The following GRAMD1B variants were observed in gnomAD, a reference collection of about 807,000 sequenced individuals.
GRAMD1B encodes the protein protein Aster-B.
In GRAMD1B, 37 loss-of-function variants were observed where a neutral mutation model predicts 99.7. The ratio of observed to expected loss-of-function variants is 0.37; its 90% CI spans 0.29 to 0.49. The LOEUF (loss-of-function observed/expected upper bound fraction) is 0.49, where lower values mean the gene tolerates loss of function less well. GRAMD1B is among the 20% of genes least tolerant of loss of function. GRAMD1B has a pLI of 0.98. For synonymous variants in GRAMD1B, 427 were observed against 387.6 expected (o/e 1.10, Z -1.19); for missense variants, 888 against 1,009.2 (o/e 0.88, Z 1.63).
chr11:123,443,004 C>T (rs144683733), intron 1 of GRAMD1B, among the ~76,000 whole-genome samples: 106 of 152,110 alleles, frequency 7.0e-4, no homozygotes, highest in African/African-American at 2.3e-3. Flanking sequence ...GGGTTTTAGC[C>T]GGCTTTTTTA....
At chr11:123,485,350 C>A (rs768192130) in intron 2 of GRAMD1B, among the ~76,000 whole-genome samples, 18 of 152,216 alleles carry the variant, frequency 1.2e-4, no homozygotes, top group African/African-American at 4.3e-4. Flanking sequence ...AGGTTCAGAA[C>A]GGTTATAGTA....
At chr11:123,612,621 T>C (rs1953741797) in intron 14 of GRAMD1B, 140 bp from the exon 15 acceptor site, 2 of 690,804 alleles carry the variant, frequency 2.9e-6, no homozygotes, top group African/African-American at 3.5e-5. Context: ...GAGGGTGAGA[T>C]GGATGTGGAA....
chr11:123,481,928 A>G (rs917677064), intron 2 of GRAMD1B, among the ~76,000 whole-genome samples: 1 of 152,164 alleles, frequency 6.6e-6, no homozygotes, highest in African/African-American at 2.4e-5. Context: ...AAAAAGCAGA[A>G]GGTACTTTTA....
At chr11:123,452,449 C>T (rs967755904) in intron 1 of GRAMD1B, among the ~76,000 whole-genome samples, 3 of 152,070 alleles carry the variant, frequency 2.0e-5, no homozygotes, top group Admixed American at 6.5e-5. Flanking sequence ...AGTTCGAGAC[C>T]AGCCTGGCCA....
At chr11:123,546,827 G>C (rs1179887410) in intron 2 of GRAMD1B, among the ~76,000 whole-genome samples, 1 of 152,038 alleles carries the variant, frequency 6.6e-6, no homozygotes, top group African/African-American at 2.4e-5. Flanking sequence ...AGCTTTCCTA[G>C]CATCCACTCC....
intron 2 of GRAMD1B, among the ~76,000 whole-genome samples, chr11:123,562,079 C>T (rs932402736): frequency 6.6e-6 from 1 of 152,292 alleles, no homozygotes; most frequent in East Asian, 1.9e-4. Context: ...GCTGGGTGTG[C>T]TGGCTCATGC....
intron 1 of GRAMD1B, among the ~76,000 whole-genome samples, chr11:123,436,987 A>C (rs967962677): frequency 2.0e-5 from 3 of 152,052 alleles, no homozygotes; most frequent in Non-Finnish European, 4.4e-5. Context: ...CCCACCTATG[A>C]GTGAGAACAT....
At position 123,546,584 on chromosome 11, in the gene GRAMD1B, G is replaced by GT. The variant is rs547926258; in HGVS notation, c.453-30781dup. Among the ~76,000 whole-genome samples the GT allele has an allele frequency of 4.9e-4, 74 of 152,318 alleles. 1 individual carries two copies. The highest frequency in any genetic ancestry group is 9.8e-4 in the Admixed American group (15 of 15,310). ...AGCTGCCCAGCTTCAATCTGCCCCT[G>GT]TTCCCCAGTGAGGTCTGGGAGTAAT... On this transcript the variant is annotated intron_variant, in intron 2 of 19. Coordinates refer to ENST00000635736, the MANE Select transcript of GRAMD1B (RefSeq NM_001387025.1).
At chr11:123,573,455 C>T in intron 2 of GRAMD1B, among the ~76,000 whole-genome samples, 1 of 152,188 alleles carries the variant, frequency 6.6e-6, no homozygotes, top group Non-Finnish European at 1.5e-5. Context: ...CACCCAGCTA[C>T]CCACTGTCTT....
At chr11:123,578,498 C>A (rs1948981687) in intron 3 of GRAMD1B, 4 of 1,130,398 alleles carry the variant, frequency 3.5e-6, no homozygotes, top group Admixed American at 2.0e-5. Flanking sequence ...GTGCTCAGCA[C>A]CCCCTCCCTC....
At chr11:123,567,339 C>T (rs970714640) in intron 2 of GRAMD1B, among the ~76,000 whole-genome samples, 1 of 152,134 alleles carries the variant, frequency 6.6e-6, no homozygotes, top group Non-Finnish European at 1.5e-5. Context: ...CCAGCAGCTT[C>T]GGAGGAGGAA....
chr11:123,618,078 A>G lies in GRAMD1B; in HGVS notation c.2319-615A>G, dbSNP rs575629652. Among the ~76,000 whole-genome samples the G allele has an allele frequency of 2.6e-5, 4 of 152,172 alleles. No individual in the cohort carries two copies. The South Asian group carries it at 8.3e-4, about 32-fold the overall frequency. ...CCACTGGAATTCCTCCTTCAGTCTC[A>G]CCCTTCAGTTAGGTCCTAAGGTTGG... On this transcript the variant is annotated intron_variant, in intron 17 of 19. Coordinates refer to ENST00000635736, the MANE Select transcript of GRAMD1B (RefSeq NM_001387025.1).
At position 123,530,570 on chromosome 11, in the gene GRAMD1B, G is replaced by A. The variant is rs558181143; in HGVS notation, c.453-46797G>A. 6.8e-3 allele frequency among the ~76,000 whole-genome samples: 1,035 copies of A among 152,160 alleles called. 11 individuals are homozygous for A. The highest frequency in any genetic ancestry group is 0.023 in the African/African-American group (954 of 41,502). ...TAATTTTTGTGTTTTTAGTAGAGAC[G>A]GGGTTTCACCATGTTGGCCAGGCTG... On this transcript the variant is annotated intron_variant, in intron 2 of 19. Coordinates refer to ENST00000635736, the MANE Select transcript of GRAMD1B (RefSeq NM_001387025.1).
chr11:123,576,755 A>G (rs898795695), intron 2 of GRAMD1B, among the ~76,000 whole-genome samples: 1 of 152,216 alleles, frequency 6.6e-6, no homozygotes, highest in Non-Finnish European at 1.5e-5. Flanking sequence ...ACAAATCAGA[A>G]GAGCTGCACT....
chr11:123,534,346 T>C (rs1325375981), intron 2 of GRAMD1B, among the ~76,000 whole-genome samples: 6 of 152,190 alleles, frequency 3.9e-5, no homozygotes, highest in Non-Finnish European at 2.9e-5. Flanking sequence ...GAGGAGGGGT[T>C]GGTCTTGCTG....
rs760816139 is a variant in GRAMD1B, at chr11:123,619,274, T to C, written c.2544+50T>C. 15 of 1,546,230 alleles carry C rather than the reference T, an allele frequency of 9.7e-6. No individual in the cohort carries two copies. In the South Asian group the frequency reaches 1.8e-4, roughly 18 times the overall value. ...TGCCCTGGTCTTTGGGAGCGGGGACTCCTTCCCTTATGCTGTGAGAAAGAT... is the reference window on the plus strand; with the variant it reads ...TGCCCTGGTCTTTGGGAGCGGGGACCCCTTCCCTTATGCTGTGAGAAAGAT... On this transcript the variant is annotated intron_variant, in intron 19 of 19. Transcript: ENST00000635736.
At chr11:123,577,223 CCTCT>C in intron 2 of GRAMD1B, 140 bp from the exon 3 acceptor site, 1 of 708,324 alleles carries the variant, frequency 1.4e-6, no homozygotes, top group East Asian at 2.7e-5. Flanking sequence ...AGCCTGGGCC[CCTCT>C]CTCCCGGTTT....
chr11:123,614,672 G>T, intron 16 of GRAMD1B, 73 bp from the exon 17 acceptor site: 1 of 824,614 alleles, frequency 1.2e-6, no homozygotes, highest in South Asian at 1.5e-5. Context: ...TTTGCTGTTT[G>T]ACCAGTGTCC....
rs142970900 is a variant in GRAMD1B, at chr11:123,616,617, G to A, written c.2318+1782G>A. Among the ~76,000 whole-genome samples the A allele has an allele frequency of 5.1e-3, 781 of 152,372 alleles. 6 individuals carry two copies. Among genetic ancestry groups the A allele is most frequent in the Non-Finnish European group, 8.8e-3 (602 of 68,032 alleles). ...CTCTAATTCAATGCTGCAGGATCCA[G>A]GCCAAGTGTCTGCCGACAGCCTACA... On this transcript the variant is annotated intron_variant, in intron 17 of 19. Transcript: ENST00000635736.
Sources: allele counts gnomAD v4.1 joint callset (sites outside exome capture counted in the v4.1 genomes callset), GRCh38; gene constraint gnomAD v4.1.1; transcripts MANE v1.5; gene names NCBI Gene and HGNC (gene_info 2026-07-23, HGNC 2026-07-21).